ACTR8: variants seen among roughly 807,000 people sequenced by gnomAD.
The protein encoded by ACTR8 is actin related protein 8.
A neutral mutation model predicts 84.3 loss-of-function variants in ACTR8; 70 were observed. The observed-to-expected ratio is 0.83, with a 90% CI of 0.68 to 1.01. The LOEUF (loss-of-function observed/expected upper bound fraction) is 1.01, where lower values mean the gene tolerates loss of function less well. Ranked by LOEUF, ACTR8 falls within the 50% of genes least tolerant of loss-of-function variation. The probability of loss-of-function intolerance (pLI) is 0.00; values close to 1 mark genes in which losing one functional copy is unlikely to be tolerated. For missense variants in ACTR8, 672 were observed against 775.4 expected (o/e 0.87, Z 1.58); for synonymous variants, 268 against 275.2 (o/e 0.97, Z 0.26).
chr3:53,877,791 C>A, intron 3 of ACTR8, 40 bp from the exon 4 acceptor site: 2 of 1,562,328 alleles, frequency 1.3e-6, no homozygotes, highest in South Asian at 2.2e-5. Context: ...TCAATTTATT[C>A]AAGGCGGGGG....
In ACTR8 at chr3:53,877,364, G is replaced by A; in HGVS notation, c.534C>T (p.Asp178=). The change falls in exon 5 of 13, where the codon GAC becomes GAT. Residue 178 remains aspartate, a synonymous_variant. Coordinates refer to ENST00000335754, the MANE Select transcript of ACTR8 (RefSeq NM_022899.5). ...GEEALYVNPL[D]CYNIHWPIRR... ...TGATAGGCCAGTGAATATTGTAACA[G>A]TCCAGTGGATTAACATACAAGGCCT... 6.2e-7 allele frequency: 1 copy of A among 1,610,294 alleles called. No homozygotes were observed. Among genetic ancestry groups the A allele is most frequent in the Non-Finnish European group, 8.5e-7 (1 of 1,178,936 alleles).
rs749593364 is a variant in ACTR8 at position 53,870,182 on chromosome 3, C to A, written c.1568-37G>T. On this transcript the variant is annotated intron_variant, in intron 11 of 12. Coordinates refer to ENST00000335754, the MANE Select transcript of ACTR8 (RefSeq NM_022899.5). This position sits in a 1 kb window ranked among gnomAD's most constrained non-coding sequence, Gnocchi z 4.1. ...GTTGACATCCTCCATGCTTTTTTCT[C>A]CACATCCATAATTCTAGGCCAAGCC... 3.1e-6 allele frequency: 5 copies of A among 1,600,600 alleles called. No individual in the cohort carries two copies. The highest frequency in any genetic ancestry group is 8.5e-7 in the Non-Finnish European group (1 of 1,170,170).
chr3:53,870,084 C>T lies in ACTR8; in HGVS notation c.1629G>A (p.Met543Ile). The T allele has an allele frequency of 1.2e-6, 2 of 1,614,176 alleles. No homozygotes were observed. The highest frequency in any genetic ancestry group is 2.2e-5 in the South Asian group (2 of 91,080). The change falls in exon 12 of 13, where the codon ATG (methionine) becomes ATA (isoleucine). Residue 543 changes from methionine (M) to isoleucine (I), a missense_variant. Transcript: ENST00000335754. The surrounding 1 kb of genome is among the most constrained non-coding windows in gnomAD (Gnocchi z 4.1). ...GCAGAAATTCTTGAGCTTTATGAAACATCAAACCACCTCCCACCACTAGGA... is the reference window on the plus strand; with the variant it reads ...GCAGAAATTCTTGAGCTTTATGAAATATCAAACCACCTCCCACCACTAGGA... ...SSILVVGGGL[M>I]FHKAQEFLQH...
chr3:53,877,234 T>C lies in ACTR8; in HGVS notation c.664A>G (p.Ile222Val). The C allele has an allele frequency of 1.9e-6, 3 of 1,602,570 alleles. No individual in the cohort carries two copies. Among genetic ancestry groups the C allele is most frequent in the Non-Finnish European group, 2.6e-6 (3 of 1,176,428 alleles). ...WSHAIQKYLEIPLKDLKYYRC... is the reference protein window; with the variant it reads ...WSHAIQKYLEVPLKDLKYYRC... ...CTCACCTTTAAATCTTTCAGTGGGA[T>C]TTCCAAGTATTTTTGTATCGCATGA... is the stretch of plus-strand genomic sequence containing the variant. The change falls in exon 5 of 13, where the codon ATC becomes GTC. Residue 222 changes from isoleucine (I) to valine (V), a missense_variant. Physicochemically the swap from Ile to Val is conservative, Grantham distance 29. Transcript: ENST00000335754.
Position 53,868,876 on chromosome 3 carries a change from G to T in ACTR8, c.1732-14C>A, listed in dbSNP as rs376791184. On this transcript the variant is annotated splice_polypyrimidine_tract_variant and intron_variant, in intron 12 of 12. Transcript: ENST00000335754. ...GGGGTCCATGTCCTACAGAAGGGAT[G>T]AAGGCATTTCAGCCTAATCACATAA... 1.2e-6 allele frequency: 2 copies of T among 1,612,060 alleles called. No individual in the cohort carries two copies. Among genetic ancestry groups the T allele is most frequent in the African/African-American group, 1.3e-5 (1 of 74,814 alleles).
At chr3:53,877,782 C>T in intron 3 of ACTR8, 31 bp from the exon 4 acceptor site, 1 of 1,586,292 alleles carries the variant, frequency 6.3e-7, no homozygotes, top group Non-Finnish European at 8.7e-7. Flanking sequence ...AAAATTATCT[C>T]AATTTATTCA....
intron 12 of ACTR8, among the ~76,000 whole-genome samples, chr3:53,869,422 T>C (rs1175542053): frequency 3.9e-5 from 6 of 152,222 alleles, no homozygotes; most frequent in African/African-American, 1.4e-4. Flanking sequence ...CAGGAACATA[T>C]ATAAATAAAT....
At chr3:53,881,531 A>G in intron 1 of ACTR8, 1 of 212,334 alleles carries the variant, frequency 4.7e-6, no homozygotes, top group South Asian at 6.3e-5. Flanking sequence ...GATTTCCTTA[A>G]CAAAGGAAAA....
At chr3:53,864,788 C>T (rs1272752069), downstream of ACTR8, 27 of 1,613,446 alleles carry the variant, frequency 1.7e-5, no homozygotes, top group Non-Finnish European at 2.3e-5. Flanking sequence ...ACACTACTGC[C>T]CCCCATTAAG....
At chr3:53,869,923 C>T in intron 12 of ACTR8, 59 bp downstream of exon 12, 1 of 1,588,198 alleles carries the variant, frequency 6.3e-7, no homozygotes, top group Non-Finnish European at 8.6e-7. Flanking sequence ...TTTGATCTGT[C>T]CACATACAAG....
chr3:53,868,618 T>G lies in ACTR8; in HGVS notation c.*101A>C, dbSNP rs1699832727. ...CAAATTCATTTACTGTCCATGACAC[T>G]TAAGCATCCAGATCAATAAATTACA... On this transcript the variant is annotated 3_prime_UTR_variant, in exon 13 of 13. Transcript: ENST00000335754. The G allele has an allele frequency of 2.0e-6, 3 of 1,501,940 alleles. No homozygotes were observed. The South Asian group carries it at 4.0e-5, about 20-fold the overall frequency. The allele number at this position is 1,501,940 out of a possible 1,614,324, so 93.0% of individuals were successfully genotyped here. A position where few individuals can be genotyped will look rare whatever the true frequency, so the allele number is the denominator to read the frequency against.
At chr3:53,861,171 T>C in the ACTR8 span, 51 of 152,234 alleles carry the variant, frequency 3.4e-4, no homozygotes, top group African/African-American at 1.2e-3. Context: ...AGTGGTTCTC[T>C]GGTATTTTTC....
Position 53,871,400 on chromosome 3 carries a change from G to T in ACTR8, c.1399C>A (p.His467Asn), listed in dbSNP as rs1365193542. The stretch of plus-strand genomic sequence containing the variant: ...GACCCCAAATCTACCTCCTGGGAAT[G>T]GAGTCTTTCTGGAAGATCAGAGGAC... ...GQSSDLPERL[H>N]SQEVDLGSAQ... Residue 467 changes from histidine to asparagine, a missense_variant, in exon 11 of 13, where the codon CAT becomes AAT. Physicochemically the swap from His to Asn is moderately conservative, Grantham distance 68. Transcript: ENST00000335754. 1 of 1,614,242 alleles carries T rather than the reference G, an allele frequency of 6.2e-7. No individual in the cohort carries two copies. The highest frequency in any genetic ancestry group is 1.1e-5 in the South Asian group (1 of 91,090).
At chr3:53,875,535 T>C (rs571911425) in intron 7 of ACTR8, among the ~76,000 whole-genome samples, 1 of 152,360 alleles carries the variant, frequency 6.6e-6, no homozygotes, top group South Asian at 2.1e-4. Context: ...AATGCAGATA[T>C]TCAAAACACT....
chr3:53,870,185 C>A lies in ACTR8; in HGVS notation c.1568-40G>T. ...GACATCCTCCATGCTTTTTTCTCCA[C>A]ATCCATAATTCTAGGCCAAGCCACC... On this transcript the variant is annotated intron_variant, in intron 11 of 12. Coordinates refer to ENST00000335754, the MANE Select transcript of ACTR8 (RefSeq NM_022899.5). This position sits in a 1 kb window ranked among gnomAD's most constrained non-coding sequence, Gnocchi z 4.1. 6.3e-7 allele frequency: 1 copy of A among 1,599,558 alleles called. No individual in the cohort carries two copies. Among genetic ancestry groups the A allele is most frequent in the Middle Eastern group, 1.7e-4 (1 of 5,992 alleles).
chr3:53,877,837 C>T, intron 3 of ACTR8, 86 bp from the exon 4 acceptor site: 2 of 1,105,156 alleles, frequency 1.8e-6, no homozygotes, highest in Admixed American at 2.5e-5. Flanking sequence ...CTCTCACATA[C>T]TAGACACATT....
chr3:53,872,735 C>T (rs1209522411), intron 9 of ACTR8, among the ~76,000 whole-genome samples: 2 of 152,158 alleles, frequency 1.3e-5, no homozygotes, highest in Non-Finnish European at 1.5e-5. Context: ...TGATATGACA[C>T]CATATGAGAG....
chr3:53,870,141 A>G lies in ACTR8; in HGVS notation c.1572T>C (p.Ser524=), dbSNP rs923894366. Residue 524 remains serine (S), a synonymous_variant, in exon 12 of 13, where the codon TCT becomes TCC. Coordinates refer to ENST00000335754, the MANE Select transcript of ACTR8 (RefSeq NM_022899.5). The surrounding 1 kb of genome is among the most constrained non-coding windows in gnomAD (Gnocchi z 4.1). Reference sequence around the variant, plus strand: ...TGTACATCTTCTTTTTGGTGTCGTCAGATGCTGAAAAGACAGTTGACATCC... The same window carrying G: ...TGTACATCTTCTTTTTGGTGTCGTCGGATGCTGAAAAGACAGTTGACATCC... The part of the protein sequence containing the change: ...AILHSIDCCS[S]DDTKKKMYSS... The G allele has an allele frequency of 1.2e-6, 2 of 1,612,248 alleles. No homozygotes were observed. The highest frequency in any genetic ancestry group is 1.1e-5 in the South Asian group (1 of 91,014).
chr3:53,876,593 T>C (rs769463238), intron 6 of ACTR8, 27 bp downstream of exon 6: 13 of 1,244,600 alleles, frequency 1.0e-5, no homozygotes, highest in Non-Finnish European at 1.2e-5. Context: ...CCATTTAAAA[T>C]AGGTTTCACT....
Sources: gnomAD v4.1 joint callset for allele counts (sites outside exome capture counted in the v4.1 genomes callset) on GRCh38, gnomAD v4.1.1 for gene constraint, Gnocchi (gnomAD v3.1) non-coding constraint, MANE v1.5 for transcripts, NCBI Gene and HGNC (gene_info 2026-07-23, HGNC 2026-07-21) for gene names.